Variants in MTPAP observed in about 807,000 individuals in gnomAD.
The protein encoded by MTPAP is poly(A) RNA polymerase, mitochondrial.
MTPAP carries 23 observed loss-of-function variants against 48.7 expected under a neutral mutation model. The observed-to-expected ratio is 0.47, with a 90% CI of 0.34 to 0.67. The LOEUF (loss-of-function observed/expected upper bound fraction) is 0.67, where lower values mean the gene tolerates loss of function less well. MTPAP is among the 30% of genes least tolerant of loss of function. The pLI is 0.01. For synonymous variants in MTPAP, 257 were observed against 254.1 expected, an observed-to-expected ratio of 1.01 and a Z score of -0.11; for missense variants, 614 against 694.3, an observed-to-expected ratio of 0.88 and a Z score of 1.30.
chr10:30,317,113 G>A (rs1297373031), intron 6 of MTPAP, among the ~76,000 whole-genome samples: 3 of 151,720 alleles, frequency 2.0e-5, no homozygotes, highest in African/African-American at 7.3e-5. Flanking sequence ...AAAAAGATTT[G>A]AGACTAGTTA....
At chr10:30,329,515 T>C (rs570614954) in intron 4 of MTPAP, among the ~76,000 whole-genome samples, 1 of 152,210 alleles carries the variant, frequency 6.6e-6, no homozygotes, top group Admixed American at 6.5e-5. Flanking sequence ...ATTACAGGCA[T>C]GAAGCACTGG....
At chr10:30,314,884 CAAAAAAAAAAAA>C (rs34249388) in intron 8 of MTPAP, among the ~76,000 whole-genome samples, 12 of 110,746 alleles carry the variant, frequency 1.1e-4, no homozygotes, top group African/African-American at 3.8e-4. Context: ...AAAACAAAAA[CAAAAAAAAAAAA>C]AAAAAAAAAG....
intron 4 of MTPAP, among the ~76,000 whole-genome samples, chr10:30,333,744 A>C (rs1205679485): frequency 6.6e-6 from 1 of 152,184 alleles, no homozygotes; most frequent in East Asian, 1.9e-4. Flanking sequence ...ATGAAACACT[A>C]TCTCTAAAAT....
chr10:30,322,227 G>A (rs1468951356), intron 6 of MTPAP, among the ~76,000 whole-genome samples, 164 bp downstream of exon 6: 2 of 152,094 alleles, frequency 1.3e-5, no homozygotes, highest in Non-Finnish European at 2.9e-5. Context: ...AAAGGCCCTA[G>A]CTTCCCAAAT....
In MTPAP at chr10:30,341,599, G is replaced by C. The variant is rs1311372464; in HGVS notation, c.199C>G (p.Gln67Glu). The change falls in exon 2 of 9, where the codon CAA becomes GAA. Residue 67 changes from glutamine to glutamate, a missense_variant. Transcript: ENST00000263063. ...KIPKRRFSEM[Q>E]NERREQAQRT... ...TGTGCCTGTTCTCGTCTTTCATTTT[G>C]CATCTCAGAGAATCTCCTTTTGGGA... 2 of 1,614,052 alleles carry C rather than the reference G, an allele frequency of 1.2e-6. No homozygotes were observed. The highest frequency in any genetic ancestry group is 2.2e-5 in the East Asian group (1 of 44,870).
chr10:30,349,241 A>T lies in MTPAP; in HGVS notation c.35T>A (p.Leu12Ter), dbSNP rs1834906265. 2 of 1,599,836 alleles carry T rather than the reference A, an allele frequency of 1.3e-6. No individual in the cohort carries two copies. Among genetic ancestry groups the T allele is most frequent in the African/African-American group, 1.4e-5 (1 of 73,974 alleles). The change falls in exon 1 of 9, where the codon TTG (leucine) becomes TAG (stop). Residue 12 changes from leucine to a stop codon, truncating the protein, a stop_gained. Coordinates refer to ENST00000263063, the MANE Select transcript of MTPAP (RefSeq NM_018109.4). LOFTEE classifies it high-confidence loss of function. ...AVPGVGLLTR[L>*]NLCARRRTRV... The stretch of plus-strand genomic sequence containing the variant: ...AGTTCTTCTCCGGGCACACAGGTTC[A>T]AACGGGTCAAGAGCCCCACGCCGGG...
chr10:30,343,689 T>A (rs1834838478), intron 1 of MTPAP, among the ~76,000 whole-genome samples: 3 of 151,980 alleles, frequency 2.0e-5, no homozygotes, highest in Admixed American at 2.0e-4. Context: ...TGCCTCAACC[T>A]CCCCAGTAGC....
intron 2 of MTPAP, 109 bp from the exon 3 acceptor site, chr10:30,340,559 T>G (rs753734508): frequency 7.1e-6 from 6 of 843,882 alleles, no homozygotes; most frequent in Non-Finnish European, 9.9e-6. Context: ...ATATCAAGTC[T>G]TTAAAATTTA....
intron 6 of MTPAP, among the ~76,000 whole-genome samples, chr10:30,320,284 T>C (rs947207612): frequency 2.1e-4 from 31 of 147,394 alleles, no homozygotes; most frequent in African/African-American, 7.0e-4. Context: ...TCCCAACACT[T>C]TGGGAGAACA....
At position 30,336,871 on chromosome 10, in the gene MTPAP, CAA is replaced by C. The variant is rs1242704184; in HGVS notation, c.710_711del (p.Phe237TrpfsTer6). On this transcript the variant is annotated frameshift_variant, in exon 4 of 9. Coordinates refer to ENST00000263063, the MANE Select transcript of MTPAP (RefSeq NM_018109.4). LOFTEE classifies it high-confidence loss of function. ...ATGTCCAAATCACATCCTAACTTCC[CAA>C]AAGTGTTGACTGAGGAGCCAAAGGG... Reference protein sequence around the residue: ...VRPFGSSVNTFGKLGCDLDMF... With the variant: ...VRPFGSSVNTXGKLGCDLDMF... 2 of 1,612,856 alleles carry C rather than the reference CAA, an allele frequency of 1.2e-6. No homozygotes were observed. The highest frequency in any genetic ancestry group is 1.1e-5 in the South Asian group (1 of 91,010).
intron 2 of MTPAP, among the ~76,000 whole-genome samples, chr10:30,340,960 G>T (rs1018825983): frequency 1.3e-5 from 2 of 151,840 alleles, no homozygotes; most frequent in African/African-American, 4.8e-5. Context: ...TTAGTTAAGA[G>T]AAGCTGAAAA....
rs1267082862 is a variant in MTPAP at position 30,340,362 on chromosome 10, G to T, written c.419C>A (p.Thr140Asn). The T allele has an allele frequency of 6.2e-7, 1 of 1,614,162 alleles. No homozygotes were observed. The highest frequency in any genetic ancestry group is 1.3e-5 in the African/African-American group (1 of 75,054). ...GAAACGTGATCTGAATGGAATTGCA[G>T]TCTCCATGGCCGTGCTTGGAGTATG... Reference protein sequence around the residue: ...GTHTPSTAMETAIPFRSRFFN... With the variant: ...GTHTPSTAMENAIPFRSRFFN... Residue 140 changes from threonine to asparagine, a missense_variant, in exon 3 of 9, where the codon ACT (threonine) becomes AAT (asparagine). By Grantham distance (65) the Thr-to-Asn change is moderately conservative. Coordinates refer to ENST00000263063, the MANE Select transcript of MTPAP (RefSeq NM_018109.4).
At chr10:30,325,719 C>T (rs1834580438) in intron 5 of MTPAP, among the ~76,000 whole-genome samples, 1 of 151,972 alleles carries the variant, frequency 6.6e-6, no homozygotes, top group Non-Finnish European at 1.5e-5. Context: ...TGCTGCACTC[C>T]AGCCTAGGCA....
In MTPAP at chr10:30,313,764, G is replaced by GC; in HGVS notation, c.1593dup (p.Leu532AlafsTer17). On this transcript the variant is annotated frameshift_variant, in exon 9 of 9. Coordinates refer to ENST00000263063, the MANE Select transcript of MTPAP (RefSeq NM_018109.4). LOFTEE classifies it low-confidence loss of function (END_TRUNC). Reference sequence around the variant, plus strand: ...GACTTTCTGTTTGGAGCAGATGGTAGCAATAGGGATACCAGCCCCCAGGGC... The same window carrying GC: ...GACTTTCTGTTTGGAGCAGATGGTAGCCAATAGGGATACCAGCCCCCAGGGC... The GC allele has an allele frequency of 6.2e-7, 1 of 1,614,104 alleles. No individual in the cohort carries two copies. Among genetic ancestry groups the GC allele is most frequent in the Non-Finnish European group, 8.5e-7 (1 of 1,179,954 alleles).
At chr10:30,322,259 T>C (rs1233537556) in intron 6 of MTPAP, 132 bp downstream of exon 6, 11 of 793,898 alleles carry the variant, frequency 1.4e-5, no homozygotes, top group African/African-American at 3.5e-5. Flanking sequence ...GTGACTCCGG[T>C]AGACTTTAAA....
intron 4 of MTPAP, among the ~76,000 whole-genome samples, chr10:30,335,652 G>C (rs901547983): frequency 6.6e-6 from 1 of 151,942 alleles, no homozygotes; most frequent in African/African-American, 2.4e-5. Context: ...AAACTTGAAA[G>C]AGAAAAAAAG....
At position 30,341,595 on chromosome 10, in the gene MTPAP, T is replaced by C. The variant is rs1436464773; in HGVS notation, c.203A>G (p.Asn68Ser). Reference protein sequence around the residue: ...IPKRRFSEMQNERREQAQRTV... With the variant: ...IPKRRFSEMQSERREQAQRTV... ...CCGCTGTGCCTGTTCTCGTCTTTCA[T>C]TTTGCATCTCAGAGAATCTCCTTTT... Residue 68 changes from asparagine (N) to serine (S), a missense_variant, in exon 2 of 9, where the codon AAT becomes AGT. Coordinates refer to ENST00000263063, the MANE Select transcript of MTPAP (RefSeq NM_018109.4). 6.2e-7 allele frequency: 1 copy of C among 1,614,150 alleles called. No individual in the cohort carries two copies.
At chr10:30,334,522 G>A (rs576910309) in intron 4 of MTPAP, among the ~76,000 whole-genome samples, 8 of 152,118 alleles carry the variant, frequency 5.3e-5, no homozygotes, top group African/African-American at 1.4e-4. Flanking sequence ...TTAGCCGGGC[G>A]TGGTGGGGCG....
intron 4 of MTPAP, among the ~76,000 whole-genome samples, chr10:30,327,335 A>C (rs1285334453): frequency 1.4e-5 from 1 of 70,842 alleles, no homozygotes; most frequent in Non-Finnish European, 2.9e-5. Context: ...TAAAAATACA[A>C]AAAAAAAAAA....
Sources: gnomAD v4.1 joint callset for allele counts (sites outside exome capture counted in the v4.1 genomes callset) on GRCh38, gnomAD v4.1.1 for gene constraint, MANE v1.5 for transcripts, NCBI Gene and HGNC (gene_info 2026-07-23, HGNC 2026-07-21) for gene names.